Variants in PROSER2 observed in about 807,000 individuals in gnomAD.
The protein encoded by PROSER2 is proline and serine-rich protein 2.
In PROSER2, 18 loss-of-function variants were observed where a neutral mutation model predicts 14.6. That is an observed-to-expected ratio of 1.23 (90% CI 0.85 to 1.83). PROSER2 has a LOEUF of 1.83. PROSER2 is among the 40% of genes most tolerant of loss of function. PROSER2 has a pLI of 0.00. For synonymous variants in PROSER2, 367 were observed against 286.4 expected (o/e 1.28, Z -2.84); for missense variants, 823 against 629.8 (o/e 1.31, Z -3.28).
chr10:11,837,099 A>G lies in PROSER2; in HGVS notation c.-82+13629A>G, dbSNP rs2131053318. On this transcript the variant is annotated intron_variant, in intron 1 of 3. Transcript: ENST00000277570. The surrounding 1 kb of genome is among the most constrained non-coding windows in gnomAD (Gnocchi z 4.6). ...TATGTTCAAGTCACTTTTATTTAAT[A>G]ATGGCCCTGAAGCAGAAGAGGCATG... is the stretch of plus-strand genomic sequence containing the variant. 6.6e-6 allele frequency among the ~76,000 whole-genome samples: 1 copy of G among 152,184 alleles called. No individual in the cohort carries two copies. Among genetic ancestry groups the G allele is most frequent in the South Asian group, 2.1e-4 (1 of 4,820 alleles).
chr10:11,850,923 T>C (rs1834006944), intron 1 of PROSER2: 1 of 152,278 alleles, frequency 6.6e-6, no homozygotes, highest in African/African-American at 2.4e-5. Flanking sequence ...GATTTCCTGC[T>C]AAAAGGGTCA....
chr10:11,869,982 C>T lies in PROSER2; in HGVS notation c.884C>T (p.Ala295Val). 3 of 1,295,864 alleles carry T rather than the reference C, an allele frequency of 2.3e-6. No homozygotes were observed. Among genetic ancestry groups the T allele is most frequent in the Non-Finnish European group, 2.9e-6 (3 of 1,025,428 alleles). 80.3% of individuals were successfully genotyped at this position (1,295,864 alleles called of 1,614,324 possible). A position where few individuals can be genotyped will look rare whatever the true frequency, so the allele number is the denominator to read the frequency against. The change falls in exon 4 of 4, where the codon GCC becomes GTC. Residue 295 changes from alanine (A) to valine (V), a missense_variant. Ala to Val is a moderately conservative substitution (Grantham distance 64). Coordinates refer to ENST00000277570, the MANE Select transcript of PROSER2 (RefSeq NM_153256.4). The surrounding 1 kb of genome is among the most constrained non-coding windows in gnomAD (Gnocchi z 4.4). ...GCCACCATCCACGGCCACGCCGGCG[C>T]CTTCCCCGCCGCGGGGGACGCCGGC... ...VLATIHGHAG[A>V]FPAAGDAGEG...
intron 1 of PROSER2, among the ~76,000 whole-genome samples, chr10:11,832,635 G>A (rs1288918339): frequency 1.3e-5 from 2 of 151,994 alleles, no homozygotes; most frequent in South Asian, 2.1e-4. Context: ...CCCCTCCACC[G>A]CCCCATGTCC....
At chr10:11,852,434 G>A (rs745527389) in intron 2 of PROSER2, among the ~76,000 whole-genome samples, 6 of 152,106 alleles carry the variant, frequency 3.9e-5, no homozygotes, top group Non-Finnish European at 8.8e-5. Context: ...CCCTCGCTGT[G>A]GCCAGTAACT....
chr10:11,860,489 G>GCA (rs1176006579), intron 2 of PROSER2, among the ~76,000 whole-genome samples: 1 of 151,880 alleles, frequency 6.6e-6, no homozygotes, highest in Non-Finnish European at 1.5e-5. Context: ...GGTGGCGGGT[G>GCA]CCTGTAATCC....
At chr10:11,851,227 G>A (rs1329092710) in intron 1 of PROSER2, 2 of 152,248 alleles carry the variant, frequency 1.3e-5, no homozygotes, top group African/African-American at 2.4e-5. Context: ...AAAAAAAGTA[G>A]CCAGGGTTGG....
At position 11,830,693 on chromosome 10, in the gene PROSER2, A is replaced by G. The variant is rs1187145744; in HGVS notation, c.-82+7223A>G. On this transcript the variant is annotated intron_variant, in intron 1 of 3. Coordinates refer to ENST00000277570, the MANE Select transcript of PROSER2 (RefSeq NM_153256.4). This position sits in a 1 kb window ranked among gnomAD's most constrained non-coding sequence, Gnocchi z 4.5. ...TGATAGCCATTCCTTGGACTTCTGA[A>G]AATAGTAACATGGGAACTGTTAGTT... Among the ~76,000 whole-genome samples, 2 of 152,204 alleles carry G rather than the reference A, an allele frequency of 1.3e-5. No individual in the cohort carries two copies. The highest frequency in any genetic ancestry group is 4.8e-5 in the African/African-American group (2 of 41,456).
chr10:11,835,912 A>C (rs1026379303), intron 1 of PROSER2, among the ~76,000 whole-genome samples: 1 of 152,188 alleles, frequency 6.6e-6, no homozygotes, highest in Non-Finnish European at 1.5e-5. Context: ...GGGGTGATTC[A>C]GAAAGAGTTC....
Position 11,852,001 on chromosome 10 carries a change from G to A in PROSER2, c.-77G>A. The A allele has an allele frequency of 1.3e-6, 2 of 1,486,902 alleles. No homozygotes were observed. Among genetic ancestry groups the A allele is most frequent in the African/African-American group, 1.4e-5 (1 of 71,748 alleles). The allele number at this position is 1,486,902 out of a possible 1,614,324, so 92.1% of individuals were successfully genotyped here. A position where few individuals can be genotyped will look rare whatever the true frequency, so the allele number is the denominator to read the frequency against. ...ATTCGTGTTTGGTGTCTCTAGGAGTGAGCTGTTGCCGCAGAATGGGCTGCT... is the reference window on the plus strand; with the variant it reads ...ATTCGTGTTTGGTGTCTCTAGGAGTAAGCTGTTGCCGCAGAATGGGCTGCT... On this transcript the variant is annotated 5_prime_UTR_variant, in exon 2 of 4. Transcript: ENST00000277570.
chr10:11,831,165 G>A (rs1564301177), intron 1 of PROSER2, among the ~76,000 whole-genome samples: 2 of 152,158 alleles, frequency 1.3e-5, no homozygotes, highest in Non-Finnish European at 2.9e-5. Flanking sequence ...CATGCTCTAA[G>A]CCAGCTTTCT....
chr10:11,868,562 C>G (rs1307377177), intron 3 of PROSER2, among the ~76,000 whole-genome samples: 1 of 152,156 alleles, frequency 6.6e-6, no homozygotes, highest in Non-Finnish European at 1.5e-5. Context: ...AGCCACCACA[C>G]CTGGCATATT....
chr10:11,835,163 T>C (rs1159433110), intron 1 of PROSER2, among the ~76,000 whole-genome samples: 2 of 151,030 alleles, frequency 1.3e-5, no homozygotes, highest in Admixed American at 1.3e-4. Flanking sequence ...CAATATCTGG[T>C]AGTTTACAGG....
intron 2 of PROSER2, among the ~76,000 whole-genome samples, chr10:11,855,788 G>A (rs1588494390): frequency 6.6e-6 from 1 of 152,274 alleles, no homozygotes; most frequent in Non-Finnish European, 1.5e-5. Context: ...AATTCTAGAA[G>A]ATGATCTCGA....
chr10:11,827,787 T>TC (rs1397963086), intron 1 of PROSER2, among the ~76,000 whole-genome samples: 1 of 151,066 alleles, frequency 6.6e-6, no homozygotes, highest in African/African-American at 2.4e-5. Context: ...CAGATGATCC[T>TC]CCCCCCTCAG....
rs185621674 is a variant in PROSER2, at chr10:11,836,657, C to T, written c.-82+13187C>T. Among the ~76,000 whole-genome samples the T allele has an allele frequency of 6.4e-4, 97 of 152,254 alleles. No homozygotes were observed. In the East Asian group the frequency reaches 0.017, roughly 27 times the overall value. On this transcript the variant is annotated intron_variant, in intron 1 of 3. Transcript: ENST00000277570. This position sits in a 1 kb window ranked among gnomAD's most constrained non-coding sequence, Gnocchi z 4.6. ...GTGTAAGTATGCTCACTGACCTCTG[C>T]CCTACTGTATATCCTGACACAGGAA...
At chr10:11,846,928 G>T (rs1325961614) in intron 1 of PROSER2, among the ~76,000 whole-genome samples, 1 of 151,756 alleles carries the variant, frequency 6.6e-6, no homozygotes, top group Non-Finnish European at 1.5e-5. Flanking sequence ...TGGTAGAGTT[G>T]GGGTGGGGTC....
Position 11,843,558 on chromosome 10 carries a change from C to T in PROSER2, c.-81-8439C>T, listed in dbSNP as rs192854881. Among the ~76,000 whole-genome samples the T allele has an allele frequency of 3.5e-4, 53 of 152,066 alleles. No individual in the cohort carries two copies. The East Asian group carries it at 9.0e-3, about 26-fold the overall frequency. On this transcript the variant is annotated intron_variant, in intron 1 of 3. Transcript: ENST00000277570. ...AAAATTATAGGCGCGTGGTAGCACA[C>T]GCCTATAGTCCCAGCTACTCGAGAG...
rs1834422334 is a variant in PROSER2 at position 11,869,568 on chromosome 10, C to T, written c.470C>T (p.Thr157Ile). ...CCTCCAGACCCCCCGGCTCCCGAGA[C>T]CCTTCTTGCGCCACCACCCCTGCCT... ...PPPPDPPAPE[T>I]LLAPPPLPST... Residue 157 changes from threonine (T) to isoleucine (I), a missense_variant, in exon 4 of 4, where the codon ACC becomes ATC. Thr to Ile is a moderately conservative substitution (Grantham distance 89). Coordinates refer to ENST00000277570, the MANE Select transcript of PROSER2 (RefSeq NM_153256.4). The surrounding 1 kb of genome is among the most constrained non-coding windows in gnomAD (Gnocchi z 4.4). 5 of 1,612,296 alleles carry T rather than the reference C, an allele frequency of 3.1e-6. No homozygotes were observed. Among genetic ancestry groups the T allele is most frequent in the Non-Finnish European group, 3.4e-6 (4 of 1,178,560 alleles).
At position 11,823,722 on chromosome 10, in the gene PROSER2, G is replaced by C. The variant is rs372850549; in HGVS notation, c.-82+252G>C. Among the ~76,000 whole-genome samples the C allele has an allele frequency of 3.9e-5, 6 of 152,216 alleles. No homozygotes were observed. Among genetic ancestry groups the C allele is most frequent in the African/African-American group, 9.6e-5 (4 of 41,550 alleles). ...GACCTCGGAGTCGGGGCGCGGCGGG[G>C]AGCGCGCTGGGTTCCGAGTCTGGGG... On this transcript the variant is annotated intron_variant, in intron 1 of 3. Transcript: ENST00000277570. The surrounding 1 kb of genome is among the most constrained non-coding windows in gnomAD (Gnocchi z 6.2).
Sources: gnomAD v4.1 joint callset for allele counts (sites outside exome capture counted in the v4.1 genomes callset) on GRCh38, gnomAD v4.1.1 for gene constraint, Gnocchi (gnomAD v3.1) non-coding constraint, MANE v1.5 for transcripts, NCBI Gene and HGNC (gene_info 2026-07-23, HGNC 2026-07-21) for gene names.